The following DAB2IP variants were observed in gnomAD, a reference collection of about 807,000 sequenced individuals.
The protein encoded by DAB2IP is disabled homolog 2-interacting protein.
Under a neutral mutation model 107.2 loss-of-function variants are expected in DAB2IP, and 28 were observed. The ratio of observed to expected loss-of-function variants is 0.26; its 90% CI spans 0.19 to 0.36. DAB2IP has a LOEUF of 0.36. DAB2IP is among the 10% of genes least tolerant of loss of function. DAB2IP has a pLI of 1.00. For synonymous variants in DAB2IP, 755 were observed against 706.4 expected (o/e 1.07, Z -1.09); for missense variants, 1,400 against 1,644.7 (o/e 0.85, Z 2.57).
At position 121,567,226 on chromosome 9, in the gene DAB2IP, A is replaced by G. The variant is rs1829825322; in HGVS notation, c.38A>G (p.Tyr13Cys). The change falls in exon 1 of 17, where the codon TAC becomes TGC. Residue 13 changes from tyrosine to cysteine, a missense_variant and splice_region_variant. Coordinates refer to the DAB2IP transcript ENST00000259371. ...TCCCTTCTGGACCAAGACGACTCCT[A>G]CGGTAAGACGGTGCCAGCAAAGTGC... The G allele has an allele frequency of 1.9e-6, 3 of 1,614,020 alleles. No individual in the cohort carries two copies. The East Asian group carries it at 6.7e-5, about 36-fold the overall frequency.
intron 6 of DAB2IP, among the ~76,000 whole-genome samples, chr9:121,762,541 T>A (rs1045011081): frequency 6.6e-6 from 1 of 152,186 alleles, no homozygotes; most frequent in Admixed American, 6.5e-5. Flanking sequence ...CACCCTGGGT[T>A]CCTGTGTCTA....
chr9:121,662,086 A>G lies in DAB2IP; in HGVS notation c.124+10187A>G, dbSNP rs542816918. Among the ~76,000 whole-genome samples, 22 of 152,176 alleles carry G rather than the reference A, an allele frequency of 1.4e-4. No individual in the cohort carries two copies. The highest frequency in any genetic ancestry group is 2.6e-4 in the Non-Finnish European group (18 of 68,024). On this transcript the variant is annotated intron_variant, in intron 1 of 15. Transcript: ENST00000408936. This position sits in a 1 kb window ranked among gnomAD's most constrained non-coding sequence, Gnocchi z 4.6. ...ATCACCTTTAATCCAGCACCCACCAATAAGCTCTGGGATCACTGGGGGGTT... is the reference window on the plus strand; with the variant it reads ...ATCACCTTTAATCCAGCACCCACCAGTAAGCTCTGGGATCACTGGGGGGTT...
chr9:121,748,918 C>T lies in DAB2IP; in HGVS notation c.363-8095C>T, dbSNP rs543129679. Among the ~76,000 whole-genome samples, 11 of 152,298 alleles carry T rather than the reference C, an allele frequency of 7.2e-5. No homozygotes were observed. In the South Asian group the frequency reaches 1.9e-3, roughly 26 times the overall value. Reference sequence around the variant, plus strand: ...TCCCTGTCTCACAGCCCAGGGCGTTCTGTGTGTATGGGGGCGTCACAACTG... The same window carrying T: ...TCCCTGTCTCACAGCCCAGGGCGTTTTGTGTGTATGGGGGCGTCACAACTG... On this transcript the variant is annotated intron_variant, in intron 3 of 15. Coordinates refer to ENST00000408936, the Ensembl canonical transcript of DAB2IP.
Position 121,736,839 on chromosome 9 carries a change from G to C in DAB2IP, c.363-20174G>C, listed in dbSNP as rs1490427206. Among the ~76,000 whole-genome samples, 1 of 152,232 alleles carries C rather than the reference G, an allele frequency of 6.6e-6. No individual in the cohort carries two copies. The highest frequency in any genetic ancestry group is 1.9e-4 in the East Asian group (1 of 5,192). Reference sequence around the variant, plus strand: ...CGAGGTGTGCTGGGCTTACCGGGGCGTGCAGGTCCCTGTTCTCGTGGACCG... The same window carrying C: ...CGAGGTGTGCTGGGCTTACCGGGGCCTGCAGGTCCCTGTTCTCGTGGACCG... On this transcript the variant is annotated intron_variant, in intron 3 of 15. Coordinates refer to ENST00000408936, the Ensembl canonical transcript of DAB2IP. The surrounding 1 kb of genome is among the most constrained non-coding windows in gnomAD (Gnocchi z 4.6).
At chr9:121,785,331 C>T (rs1474625776) in exon 16 of DAB2IP, 2 of 152,680 alleles carry the variant, frequency 1.3e-5, no homozygotes, top group Non-Finnish European at 2.9e-5. Flanking sequence ...CACCGCGTCC[C>T]AGCTCCCCTC....
chr9:121,603,743 G>T (rs1351392183), intron 1 of DAB2IP, among the ~76,000 whole-genome samples: 2 of 152,102 alleles, frequency 1.3e-5, no homozygotes, highest in Non-Finnish European at 2.9e-5. Context: ...TTCTGTAAAG[G>T]GGCTGAAGGT....
At chr9:121,611,066 C>A (rs1831076128) in intron 1 of DAB2IP, among the ~76,000 whole-genome samples, 2 of 152,140 alleles carry the variant, frequency 1.3e-5, no homozygotes. Context: ...ACCTCTGCTT[C>A]CTGGGTTCAA....
chr9:121,687,616 G>A (rs180895993), intron 2 of DAB2IP, among the ~76,000 whole-genome samples: 427 of 152,310 alleles, frequency 2.8e-3, no homozygotes, highest in Non-Finnish European at 5.3e-3. Context: ...TCTGCTGTCT[G>A]TACGATGGGG....
intron 2 of DAB2IP, among the ~76,000 whole-genome samples, chr9:121,691,710 C>G (rs1829172308): frequency 6.6e-6 from 1 of 152,116 alleles, no homozygotes; most frequent in Non-Finnish European, 1.5e-5. Flanking sequence ...GCCCAAGGCC[C>G]CAGAGCCATT....
chr9:121,612,577 C>CG (rs1202614192), intron 1 of DAB2IP, among the ~76,000 whole-genome samples: 1 of 152,108 alleles, frequency 6.6e-6, no homozygotes, highest in African/African-American at 2.4e-5. Flanking sequence ...AGCAGGCATG[C>CG]GGGGTAAAGG....
In DAB2IP at chr9:121,595,373, G is replaced by A. The variant is rs139312092; in HGVS notation, c.40+28145G>A. On this transcript the variant is annotated intron_variant, in intron 1 of 16. Coordinates refer to the DAB2IP transcript ENST00000259371. Reference sequence around the variant, plus strand: ...TTTAGGAGGCCGAAGCAGGAGGATCGTTTGGGCCCAGGAGTTTGAGACCAG... The same window carrying A: ...TTTAGGAGGCCGAAGCAGGAGGATCATTTGGGCCCAGGAGTTTGAGACCAG... 3.6e-3 allele frequency among the ~76,000 whole-genome samples: 542 copies of A among 152,080 alleles called. 4 individuals are homozygous for A. The highest frequency in any genetic ancestry group is 0.013 in the African/African-American group (522 of 41,474).
At chr9:121,568,039 AG>A (rs1246139850) in intron 1 of DAB2IP, among the ~76,000 whole-genome samples, 5 of 152,188 alleles carry the variant, frequency 3.3e-5, no homozygotes, top group African/African-American at 1.2e-4. Context: ...GGGACTCAGC[AG>A]GGAGAAGTCC....
At chr9:121,658,869 T>A (rs1250490173) in intron 1 of DAB2IP, among the ~76,000 whole-genome samples, 1 of 152,182 alleles carries the variant, frequency 6.6e-6, no homozygotes, top group Non-Finnish European at 1.5e-5. Context: ...CTTCGCCAGG[T>A]TCCTGTGTTG....
Position 121,760,434 on chromosome 9 carries a change from G to A in DAB2IP, c.1165G>A (p.Val389Met). ...GCACATCCTGCAGAGCACGGGCAAG[G>A]TGAAGGTGCGTGCAGGCCCCTCGGC... The change falls in exon 6 of 16, where the codon GTG becomes ATG. Residue 389 changes from valine (V) to methionine (M), a missense_variant. By Grantham distance (21) the Val-to-Met change is conservative. Around this residue, in one of 3 missense-constraint regions of DAB2IP, gnomAD observed 517 missense variants for 748.6 expected, o/e 0.69. Transcript: ENST00000408936. The surrounding 1 kb of genome is among the most constrained non-coding windows in gnomAD (Gnocchi z 5.9). 1 of 1,595,716 alleles carries A rather than the reference G, an allele frequency of 6.3e-7. No individual in the cohort carries two copies. The highest frequency in any genetic ancestry group is 1.7e-4 in the Middle Eastern group (1 of 6,024).
chr9:121,590,414 C>T (rs1455519318), intron 1 of DAB2IP, among the ~76,000 whole-genome samples: 1 of 151,908 alleles, frequency 6.6e-6, no homozygotes, highest in African/African-American at 2.4e-5. Context: ...GGACCCACCA[C>T]CCCAGCCTAT....
At chr9:121,574,413 C>A (rs1365362665) in intron 1 of DAB2IP, among the ~76,000 whole-genome samples, 2 of 152,102 alleles carry the variant, frequency 1.3e-5, no homozygotes, top group African/African-American at 2.4e-5. Flanking sequence ...GGGCTCTGTC[C>A]TAGACCAGGC....
At chr9:121,754,470 G>C (rs1260252971) in intron 3 of DAB2IP, among the ~76,000 whole-genome samples, 1 of 152,160 alleles carries the variant, frequency 6.6e-6, no homozygotes, top group African/African-American at 2.4e-5. Context: ...TCCTCCCAGA[G>C]AGCTTGGGCT....
chr9:121,580,979 C>T lies in DAB2IP; in HGVS notation c.40+13751C>T, dbSNP rs148642170. Among the ~76,000 whole-genome samples the T allele has an allele frequency of 6.6e-5, 10 of 152,266 alleles. No individual in the cohort carries two copies. In the East Asian group the frequency reaches 7.7e-4, roughly 12 times the overall value. On this transcript the variant is annotated intron_variant, in intron 1 of 16. Coordinates refer to the DAB2IP transcript ENST00000259371. ...GAGGCTGTACCCCAAAATCCAGGTG[C>T]GCAGGCCTGGAGAGGTCAGCTGGGC... is the stretch of plus-strand genomic sequence containing the variant.
chr9:121,750,284 G>A (rs752427381), intron 3 of DAB2IP, among the ~76,000 whole-genome samples: 7 of 152,196 alleles, frequency 4.6e-5, no homozygotes, highest in South Asian at 2.1e-4. Context: ...CTGCCCGCTC[G>A]CAGCTGCAGG....
Sources: allele counts gnomAD v4.1 joint callset (sites outside exome capture counted in the v4.1 genomes callset), GRCh38; gene constraint gnomAD v4.1.1; regional missense constraint gnomAD v4.1.1; non-coding constraint Gnocchi (gnomAD v3.1); transcripts MANE v1.5; gene names NCBI Gene and HGNC (gene_info 2026-07-23, HGNC 2026-07-21).